Variants in SGSM3 observed in about 807,000 individuals in gnomAD.
SGSM3 encodes RUN and SH3 containing 3.
In SGSM3, 96 loss-of-function variants were observed where a neutral mutation model predicts 100.5. That is an observed-to-expected ratio of 0.96 (90% CI 0.81 to 1.13). The LOEUF (loss-of-function observed/expected upper bound fraction) is 1.13, where lower values mean the gene tolerates loss of function less well. Among genes scored for constraint, SGSM3 ranks in the 50% most tolerant of loss-of-function variants. The pLI is 0.00. For missense variants in SGSM3, 1,001 were observed against 1,015.8 expected (o/e 0.99, Z 0.20); for synonymous variants, 483 against 422.8 (o/e 1.14, Z -1.75).
At chr22:40,389,326 G>A (rs974047181) in intron 1 of SGSM3, among the ~76,000 whole-genome samples, 1 of 152,170 alleles carries the variant, frequency 6.6e-6, no homozygotes, top group Non-Finnish European at 1.5e-5. Context: ...CAGGCCGGGC[G>A]CGGTGGCTCA....
intron 1 of SGSM3, among the ~76,000 whole-genome samples, chr22:40,374,629 TC>T (rs1283563519): frequency 6.6e-6 from 1 of 152,042 alleles, no homozygotes; most frequent in Admixed American, 6.5e-5. Context: ...ACGCCTGTAA[TC>T]CCAGCACTTT....
intron 1 of SGSM3, among the ~76,000 whole-genome samples, chr22:40,382,362 G>A (rs1200061390): frequency 6.6e-6 from 1 of 152,024 alleles, no homozygotes; most frequent in Non-Finnish European, 1.5e-5. Flanking sequence ...TTTTCCTGGG[G>A]TATCTCAAGC....
Position 40,404,773 on chromosome 22 carries a change from G to A in SGSM3, c.474+109G>A, listed in dbSNP as rs1316732602. On this transcript the variant is annotated intron_variant, in intron 6 of 21. Coordinates refer to ENST00000248929, the MANE Select transcript of SGSM3 (RefSeq NM_015705.6). ...TGTGCCCTTGTTGTGGGGTAGGGGA[G>A]GATATTTGCTCCTTCCTTGGTCCTC... The A allele has an allele frequency of 3.9e-6, 3 of 776,524 alleles. No homozygotes were observed. In the African/African-American group the frequency reaches 5.2e-5, roughly 13 times the overall value. The allele number at this position is 776,524 out of a possible 1,614,324, so 48.1% of individuals were successfully genotyped here.
At chr22:40,399,354 C>T (rs1040962913) in intron 1 of SGSM3, among the ~76,000 whole-genome samples, 5 of 152,186 alleles carry the variant, frequency 3.3e-5, no homozygotes, top group African/African-American at 7.2e-5. Context: ...AAAGCTGACA[C>T]GTGGTTGTTC....
At chr22:40,374,420 T>C (rs2046190236) in intron 1 of SGSM3, among the ~76,000 whole-genome samples, 1 of 152,200 alleles carries the variant, frequency 6.6e-6, no homozygotes, top group Non-Finnish European at 1.5e-5. Flanking sequence ...AGAGATGACA[T>C]GGTTGAAAGA....
intron 4 of SGSM3, chr22:40,404,004 C>T (rs1029548359): frequency 6.7e-5 from 25 of 372,328 alleles, no homozygotes; most frequent in African/African-American, 1.0e-4. Flanking sequence ...TTTCTGGATC[C>T]GGGTAGTACT....
rs373689852 is a variant in SGSM3, at chr22:40,406,699, C to T, written c.1185+37C>T. 56 of 1,535,050 alleles carry T rather than the reference C, an allele frequency of 3.6e-5. No homozygotes were observed. In the African/African-American group the frequency reaches 7.1e-4, roughly 19 times the overall value. On this transcript the variant is annotated intron_variant, in intron 10 of 21. Coordinates refer to ENST00000248929, the MANE Select transcript of SGSM3 (RefSeq NM_015705.6). ...TGGGGGGCCGCACCTTGACCCACAG[C>T]ACACGGGGAGGAGGGGTCACCTTGA...
intron 2 of SGSM3, 67 bp downstream of exon 2, chr22:40,400,880 G>T (rs2050657353): frequency 3.5e-6 from 5 of 1,442,494 alleles, no homozygotes; most frequent in African/African-American, 1.5e-5. Context: ...AGGGATGGAA[G>T]GTGGCTTGTT....
At chr22:40,409,129 G>C (rs1050839357) in intron 19 of SGSM3, 111 bp downstream of exon 19, 2 of 1,553,444 alleles carry the variant, frequency 1.3e-6, no homozygotes, top group African/African-American at 1.4e-5. Flanking sequence ...CAGGGGCTCA[G>C]GTCCTTCCCC....
intron 1 of SGSM3, among the ~76,000 whole-genome samples, chr22:40,382,956 A>G (rs1047675641): frequency 3.9e-5 from 6 of 152,252 alleles, no homozygotes; most frequent in Non-Finnish European, 7.3e-5. Context: ...CACTGTATAA[A>G]GGTGAAGGTA....
chr22:40,391,658 G>C (rs995076493), intron 1 of SGSM3, among the ~76,000 whole-genome samples: 2 of 146,992 alleles, frequency 1.4e-5, no homozygotes, highest in Admixed American at 7.0e-5. Flanking sequence ...AGACTCAAAA[G>C]AAGAGTCCAG....
In SGSM3 at chr22:40,404,459, A is replaced by G; in HGVS notation, c.366+4A>G. ...CCCACATGGCATGAGGCCACAGGTA[A>G]GGTGGCCACAGGGACCCACAGGGTG... On this transcript the variant is annotated splice_donor_region_variant and intron_variant, in intron 5 of 21. Coordinates refer to ENST00000248929, the MANE Select transcript of SGSM3 (RefSeq NM_015705.6). 2 of 1,605,908 alleles carry G rather than the reference A, an allele frequency of 1.2e-6. No homozygotes were observed. Among genetic ancestry groups the G allele is most frequent in the Non-Finnish European group, 8.5e-7 (1 of 1,175,304 alleles).
In SGSM3 at chr22:40,382,269, T is replaced by A. The variant is rs534371274; in HGVS notation, c.-112+11581T>A. Reference sequence around the variant, plus strand: ...CCATTTATCTATTGCTGTTTACTGATCACTCCAGAATTTAGCAGCTTAAAG... The same window carrying A: ...CCATTTATCTATTGCTGTTTACTGAACACTCCAGAATTTAGCAGCTTAAAG... On this transcript the variant is annotated intron_variant, in intron 1 of 21. Coordinates refer to ENST00000248929, the MANE Select transcript of SGSM3 (RefSeq NM_015705.6). Among the ~76,000 whole-genome samples, 223 of 152,318 alleles carry A rather than the reference T, an allele frequency of 1.5e-3. 1 individual carries two copies. Among genetic ancestry groups the A allele is most frequent in the Non-Finnish European group, 2.0e-3 (139 of 68,016 alleles).
intron 1 of SGSM3, among the ~76,000 whole-genome samples, chr22:40,391,535 T>C (rs1042234202): frequency 7.2e-5 from 11 of 152,164 alleles, no homozygotes; most frequent in African/African-American, 2.7e-4. Flanking sequence ...TGCTTGAGCC[T>C]GGGAGTTCAA....
intron 1 of SGSM3, among the ~76,000 whole-genome samples, chr22:40,393,724 T>A (rs2049675757): frequency 6.6e-6 from 1 of 152,172 alleles, no homozygotes; most frequent in South Asian, 2.1e-4. Context: ...GGCTCGGAAG[T>A]CCAAGCGTTT....
chr22:40,410,027 A>AGGAAGAGGGAAGGGGATGG lies in SGSM3; in HGVS notation c.*271_*289dup. The AGGAAGAGGGAAGGGGATGG allele has an allele frequency of 7.6e-7, 1 of 1,320,000 alleles. No individual in the cohort carries two copies. Among genetic ancestry groups the AGGAAGAGGGAAGGGGATGG allele is most frequent in the Non-Finnish European group, 9.6e-7 (1 of 1,039,520 alleles). The allele number at this position is 1,320,000 out of a possible 1,614,324, so 81.8% of individuals were successfully genotyped here. A position where few individuals can be genotyped will look rare whatever the true frequency, so the allele number is the denominator to read the frequency against. On this transcript the variant is annotated 3_prime_UTR_variant, in exon 22 of 22. Coordinates refer to ENST00000248929, the MANE Select transcript of SGSM3 (RefSeq NM_015705.6). ...AGGTGGGGGAGCCATGTCTGTGCTCAGGAAGAGGGAAGGGGATGGGGGTGG... is the reference window on the plus strand; with the variant it reads ...AGGTGGGGGAGCCATGTCTGTGCTCAGGAAGAGGGAAGGGGATGGGGAAGAGGGAAGGGGATGGGGGTGG...
In SGSM3 at chr22:40,405,654, C is replaced by T. The variant is rs778765228; in HGVS notation, c.624C>T (p.Ala208=). The T allele has an allele frequency of 7.4e-6, 12 of 1,612,072 alleles. No individual in the cohort carries two copies. In the African/African-American group the frequency reaches 1.1e-4, roughly 14 times the overall value. ...TGTCCCTGTGCCCTGGCCAGGTGGC[C>T]GCCTGCCTCCTGCTGTTCCTGGAGG... ...IGYCQGTGMV[A]ACLLLFLEEE... Residue 208 remains alanine (A), a synonymous_variant, in exon 8 of 22, where the codon GCC becomes GCT. Transcript: ENST00000248929.
At chr22:40,405,056 T>TG (rs1569206463) in intron 6 of SGSM3, 85 bp from the exon 7 acceptor site, 1 of 1,434,396 alleles carries the variant, frequency 7.0e-7, no homozygotes, top group South Asian at 1.6e-5. Context: ...TCCCCATTTC[T>TG]GGGGGAGAAG....
chr22:40,410,176 T>TTGAG lies in SGSM3; in HGVS notation c.*420_*423dup, dbSNP rs1434704373. 1.3e-5 allele frequency: 14 copies of TTGAG among 1,083,454 alleles called. No individual in the cohort carries two copies. Among genetic ancestry groups the TTGAG allele is most frequent in the South Asian group, 4.1e-5 (1 of 24,434 alleles). The allele number at this position is 1,083,454 out of a possible 1,614,324, so 67.1% of individuals were successfully genotyped here. On this transcript the variant is annotated 3_prime_UTR_variant, in exon 22 of 22. Coordinates refer to ENST00000248929, the MANE Select transcript of SGSM3 (RefSeq NM_015705.6). ...TTCAGGTCCAAGGTTCTGCCCTTCC[T>TTGAG]TGAGTGGTCTAGAAGGCACTGCGTG...
Sources: gnomAD v4.1 joint callset for allele counts (sites outside exome capture counted in the v4.1 genomes callset) on GRCh38, gnomAD v4.1.1 for gene constraint, MANE v1.5 for transcripts, NCBI Gene and HGNC (gene_info 2026-07-23, HGNC 2026-07-21) for gene names.